Variants in TUBGCP3 observed in about 807,000 individuals in gnomAD.
The protein encoded by TUBGCP3 is tubulin gamma complex component 3, also known as gamma-tubulin complex component 3.
A neutral mutation model predicts 123.1 loss-of-function variants in TUBGCP3; 50 were observed. That is an observed-to-expected ratio of 0.41 (90% CI 0.32 to 0.51). The LOEUF is 0.51. Ranked by LOEUF, TUBGCP3 falls within the 20% of genes least tolerant of loss-of-function variation. The pLI is 0.36. For missense variants in TUBGCP3, 882 were observed against 1,127.0 expected (o/e 0.78, Z 3.11); for synonymous variants, 405 against 413.9 (o/e 0.98, Z 0.26).
At chr13:112,600,349 G>A in the TUBGCP3 span, among the ~76,000 whole-genome samples, 1 of 152,098 alleles carries the variant, frequency 6.6e-6, no homozygotes, top group Non-Finnish European at 1.5e-5. Context: ...TTAATATAAC[G>A]AGCTTCTGAT....
chr13:112,559,659 T>G (rs1280652670), intron 3 of TUBGCP3, among the ~76,000 whole-genome samples: 1 of 152,226 alleles, frequency 6.6e-6, no homozygotes, highest in African/African-American at 2.4e-5. Context: ...AAAGTTTTTT[T>G]AAGTTACCCT....
intron 17 of TUBGCP3, among the ~76,000 whole-genome samples, chr13:112,512,813 T>G (rs1057065852): frequency 3.9e-5 from 6 of 152,218 alleles, no homozygotes; most frequent in African/African-American, 7.2e-5. Flanking sequence ...ATTAACATTC[T>G]CTTAAGAGCC....
chr13:112,531,907 GT>G (rs1877610687), intron 11 of TUBGCP3, among the ~76,000 whole-genome samples: 1 of 152,076 alleles, frequency 6.6e-6, no homozygotes, highest in African/African-American at 2.4e-5. Flanking sequence ...TCACCATTAT[GT>G]CAAACGCAGA....
intron 11 of TUBGCP3, among the ~76,000 whole-genome samples, chr13:112,543,999 G>A (rs559461810): frequency 6.6e-6 from 1 of 152,358 alleles, no homozygotes; most frequent in African/African-American, 2.4e-5. Context: ...ACCCCAGTGA[G>A]ATGGCACATT....
intron 14 of TUBGCP3, among the ~76,000 whole-genome samples, chr13:112,520,779 C>T (rs1202312167): frequency 6.6e-6 from 1 of 152,158 alleles, no homozygotes; most frequent in Non-Finnish European, 1.5e-5. Flanking sequence ...TTGAGGGTTA[C>T]TGATATCTGC....
At chr13:112,522,773 GTAAC>G (rs1238688924) in intron 13 of TUBGCP3, among the ~76,000 whole-genome samples, 1 of 152,158 alleles carries the variant, frequency 6.6e-6, no homozygotes, top group African/African-American at 2.4e-5. Context: ...TTAATACACT[GTAAC>G]TAACCGTAAA....
rs531129244 is a variant in TUBGCP3 at position 112,502,304 on chromosome 13, T to C, written c.2307+1728A>G. Among the ~76,000 whole-genome samples the C allele has an allele frequency of 2.6e-5, 4 of 152,320 alleles. No homozygotes were observed. The South Asian group carries it at 8.3e-4, about 32-fold the overall frequency. On this transcript the variant is annotated intron_variant, in intron 19 of 21. Transcript: ENST00000261965. ...TGCAGAGCCTGTGTCTGTCTTGCCA[T>C]GCGACTGCACCGTGAGACAGGCCGT...
chr13:112,525,619 T>C (rs1266427923), intron 13 of TUBGCP3, among the ~76,000 whole-genome samples: 1 of 152,078 alleles, frequency 6.6e-6, no homozygotes, highest in Non-Finnish European at 1.5e-5. Context: ...CAAAACATCA[T>C]GAAATTACTG....
rs74133620 is a variant in TUBGCP3 at position 112,492,716 on chromosome 13, T to C, written c.2449-3019A>G. On this transcript the variant is annotated intron_variant, in intron 20 of 21. Coordinates refer to ENST00000261965, the MANE Select transcript of TUBGCP3 (RefSeq NM_006322.6). ...GCCTGAGACACCCTGGCTATGGGAA[T>C]GGGGCCTGGTATCCCTAAGACGCTC... Among the ~76,000 whole-genome samples the C allele has an allele frequency of 3.8e-3, 442 of 116,492 alleles. 2 individuals are homozygous for C. Among genetic ancestry groups the C allele is most frequent in the African/African-American group, 0.014 (419 of 29,846 alleles). The allele number at this position is 116,492 out of a possible 152,430, so 76.4% of individuals were successfully genotyped here.
chr13:112,563,832 G>A (rs917773859), intron 3 of TUBGCP3, among the ~76,000 whole-genome samples: 43 of 151,044 alleles, frequency 2.8e-4, no homozygotes, highest in African/African-American at 9.2e-4. Context: ...CCCAGATTGC[G>A]CCACTGCACT....
At chr13:112,580,181 A>G (rs1282988232) in intron 1 of TUBGCP3, among the ~76,000 whole-genome samples, 1 of 152,264 alleles carries the variant, frequency 6.6e-6, no homozygotes, top group Non-Finnish European at 1.5e-5. Flanking sequence ...ATGGTAGCAC[A>G]GAGGAAATCA....
At chr13:112,582,436 G>T (rs1882335795) in intron 1 of TUBGCP3, among the ~76,000 whole-genome samples, 1 of 152,206 alleles carries the variant, frequency 6.6e-6, no homozygotes, top group South Asian at 2.1e-4. Flanking sequence ...TCATGACCAG[G>T]AGGACCTCGT....
chr13:112,550,906 G>T (rs192659473), intron 8 of TUBGCP3, among the ~76,000 whole-genome samples: 145 of 152,292 alleles, frequency 9.5e-4, no homozygotes, highest in Admixed American at 1.8e-3. Context: ...AGACCATCCT[G>T]GCTAACACAG....
At chr13:112,585,012 GTAGGTGC>G (rs1181825917) in intron 1 of TUBGCP3, among the ~76,000 whole-genome samples, 9 of 152,186 alleles carry the variant, frequency 5.9e-5, no homozygotes, top group African/African-American at 2.2e-4. Flanking sequence ...ACCATTATAT[GTAGGTGC>G]TTTGCTTCTG....
At chr13:112,597,551 C>T in the TUBGCP3 span, among the ~76,000 whole-genome samples, 1 of 151,920 alleles carries the variant, frequency 6.6e-6, no homozygotes, top group Non-Finnish European at 1.5e-5. Flanking sequence ...ACAGACAATG[C>T]ACTATGAATA....
rs1881433083 is a variant in TUBGCP3 at position 112,508,224 on chromosome 13, T to C, written c.2087-3510A>G. 6.6e-6 allele frequency among the ~76,000 whole-genome samples: 1 copy of C among 152,106 alleles called. No individual in the cohort carries two copies. Among genetic ancestry groups the C allele is most frequent in the South Asian group, 2.1e-4 (1 of 4,824 alleles). ...CCCGCCTCTCCCTCCTAGCACACAC[T>C]TAAAAGGCCAACCCGTATCCCCTCA... is the stretch of plus-strand genomic sequence containing the variant. On this transcript the variant is annotated intron_variant, in intron 17 of 21. Coordinates refer to ENST00000261965, the MANE Select transcript of TUBGCP3 (RefSeq NM_006322.6). The surrounding 1 kb of genome is among the most constrained non-coding windows in gnomAD (Gnocchi z 4.2).
At position 112,558,308 on chromosome 13, in the gene TUBGCP3, G is replaced by T. The variant is rs371976077; in HGVS notation, c.436C>A (p.Arg146=). ...GAGCTCTGGGCTGACTGGGCACTCCGATCTTGGTAGCTCAGGGGAAGGGTC... is the reference window on the plus strand; with the variant it reads ...GAGCTCTGGGCTGACTGGGCACTCCTATCTTGGTAGCTCAGGGGAAGGGTC... ...PQTLPLSYQD[R]SAQSAQSSGS... Residue 146 remains arginine (R), a synonymous_variant, in exon 5 of 22, where the codon CGG becomes AGG. Coordinates refer to ENST00000261965, the MANE Select transcript of TUBGCP3 (RefSeq NM_006322.6). 1.2e-6 allele frequency: 2 copies of T among 1,613,902 alleles called. No individual in the cohort carries two copies. The highest frequency in any genetic ancestry group is 2.2e-5 in the East Asian group (1 of 44,890).
At chr13:112,568,643 G>C (rs1881165951) in intron 2 of TUBGCP3, among the ~76,000 whole-genome samples, 1 of 152,238 alleles carries the variant, frequency 6.6e-6, no homozygotes, top group Non-Finnish European at 1.5e-5. Context: ...GGCCCCAGCA[G>C]GGAAATGCAC....
chr13:112,538,463 C>T (rs1449351273), intron 11 of TUBGCP3, among the ~76,000 whole-genome samples: 3 of 152,144 alleles, frequency 2.0e-5, no homozygotes, highest in Non-Finnish European at 4.4e-5. Flanking sequence ...TCTCTTTGCT[C>T]TGTTCATTTT....
Sources: allele counts gnomAD v4.1 joint callset (sites outside exome capture counted in the v4.1 genomes callset), GRCh38; gene constraint gnomAD v4.1.1; non-coding constraint Gnocchi (gnomAD v3.1); transcripts MANE v1.5; gene names NCBI Gene and HGNC (gene_info 2026-07-23, HGNC 2026-07-21).